Variants in RAB9B observed in about 807,000 individuals in gnomAD.
RAB9B encodes the protein RAB9B, member RAS oncogene family.
In RAB9B, 1 loss-of-function variant was observed where a neutral mutation model predicts 8.9. That is an observed-to-expected ratio of 0.11 (90% confidence interval 0.04 to 0.53). The LOEUF is 0.53. Among genes scored for constraint, RAB9B ranks in the 20% least tolerant of loss-of-function variants. The pLI, the probability that RAB9B is intolerant of heterozygous loss-of-function variation, is 0.93. For missense variants in RAB9B, 82 were observed against 152.9 expected (o/e 0.54, Z 2.45); for synonymous variants, 63 against 57.0 (o/e 1.10, Z -0.47).
At chrX:103,816,702 C>T in the RAB9B span, among the ~76,000 whole-genome samples, 1 of 112,081 alleles carries the variant, frequency 8.9e-6, no homozygotes, top group East Asian at 2.8e-4. Flanking sequence ...GGCTAATATC[C>T]AGAATCTATA....
the RAB9B span, among the ~76,000 whole-genome samples, chrX:103,803,559 T>C: frequency 1.8e-5 from 2 of 112,760 alleles, no homozygotes; most frequent in African/African-American, 6.4e-5. Flanking sequence ...TATTGTGTTA[T>C]GAGTACTTTA....
At chrX:103,822,126 C>T (rs1344231431), downstream of RAB9B, among the ~76,000 whole-genome samples, 1 of 111,340 alleles carries the variant, frequency 9.0e-6, no homozygotes, top group Non-Finnish European at 1.9e-5. Flanking sequence ...GACCTCCCTG[C>T]CCCAATCTTT....
At chrX:103,790,664 C>A in the RAB9B span, 1 of 824,789 alleles carries the variant, frequency 1.2e-6, no homozygotes, top group Non-Finnish European at 1.8e-6. Context: ...AATGCTGCGT[C>A]TCCCATCTTA....
At chrX:103,816,177 A>G in the RAB9B span, among the ~76,000 whole-genome samples, 104 of 111,465 alleles carry the variant, frequency 9.3e-4, no homozygotes, top group African/African-American at 3.3e-3. Flanking sequence ...CTGACTTCAA[A>G]CTTTACTACA....
chrX:103,810,817 A>AGG, the RAB9B span, among the ~76,000 whole-genome samples: 1 of 111,433 alleles, frequency 9.0e-6, no homozygotes, highest in African/African-American at 3.3e-5. Flanking sequence ...GCCACTTCCC[A>AGG]TTTACTCTCT....
chrX:103,788,531 AT>A, the RAB9B span: 1 of 1,112,230 alleles, frequency 9.0e-7, no homozygotes, highest in South Asian at 1.8e-5. Context: ...TATTTGGGTT[AT>A]TTTACAAGGG....
chrX:103,798,774 C>G, the RAB9B span, among the ~76,000 whole-genome samples: 6 of 108,218 alleles, frequency 5.5e-5, no homozygotes, highest in African/African-American at 2.0e-4. Flanking sequence ...TCCTGAGTAG[C>G]TAGGATTACA....
At chrX:103,782,805 C>CG in the RAB9B span, among the ~76,000 whole-genome samples, 1 of 85 alleles carries the variant, frequency 0.012, no homozygotes, top group African/African-American at 0.045. Context: ...CCCCACCCCC[C>CG]GGCTGCAGGC....
the RAB9B span, among the ~76,000 whole-genome samples, chrX:103,811,484 A>G: frequency 8.9e-6 from 1 of 112,149 alleles, no homozygotes. Context: ...GGTTCCCGTT[A>G]TAAACATTAA....
downstream of RAB9B, among the ~76,000 whole-genome samples, chrX:103,820,882 C>G (rs192902355): frequency 3.7e-5 from 4 of 107,522 alleles, no homozygotes; most frequent in Non-Finnish European, 7.7e-5. Flanking sequence ...TCCGGGAGGC[C>G]GAGGTTGCAG....
At chrX:103,791,889 C>T in the RAB9B span, 5 of 112,181 alleles carry the variant, frequency 4.5e-5, no homozygotes, top group East Asian at 2.8e-4. Flanking sequence ...GTAATCTGAT[C>T]GTTCTTTCTA....
chrX:103,785,138 C>A, the RAB9B span, among the ~76,000 whole-genome samples: 1 of 110,584 alleles, frequency 9.0e-6, no homozygotes, highest in Admixed American at 9.5e-5. Context: ...TACAATGGCG[C>A]AATCTTGGCT....
rs1175342692 is a variant in RAB9B at position 103,823,690 on chromosome X, T to C, written c.*1489A>G. On this transcript the variant is annotated 3_prime_UTR_variant, in exon 3 of 3. Transcript: ENST00000243298. ...TAATATAGTATATAACTGACAGTCA[T>C]GGTAATCAAAAATTGTCAAACCATT... The C allele has an allele frequency of 8.9e-6, 1 of 112,410 alleles. No individual in the cohort carries two copies. The highest frequency in any genetic ancestry group is 1.9e-5 in the Non-Finnish European group (1 of 53,294). The allele number at this position is 112,410 out of a possible 1,213,427, so 9.3% of individuals were successfully genotyped here.
the RAB9B span, among the ~76,000 whole-genome samples, chrX:103,793,282 C>A: frequency 9.0e-6 from 1 of 111,720 alleles, no homozygotes; most frequent in African/African-American, 3.3e-5. Context: ...AATTTGGCAC[C>A]CTTGGACAGC....
chrX:103,781,273 G>T, the RAB9B span: 1 of 322,448 alleles, frequency 3.1e-6, no homozygotes, highest in African/African-American at 2.7e-5. Context: ...GACAGCATCA[G>T]GATCAACACA....
At position 103,825,605 on chromosome X, in the gene RAB9B, G is replaced by T; in HGVS notation, c.180C>A (p.Ile60=). The T allele has an allele frequency of 8.3e-7, 1 of 1,210,790 alleles. No homozygotes were observed. Among genetic ancestry groups the T allele is most frequent in the East Asian group, 3.0e-5 (1 of 33,832 alleles). ...AACGTTCCTGCCCTGCAGTGTCCCA[G>T]ATCTGGAGGGTTACAAAGCGTCCAT... The part of the protein sequence containing the change: ...EVDGRFVTLQ[I]WDTAGQERFK... Residue 60 remains isoleucine, a synonymous_variant, in exon 3 of 3, where the codon ATC becomes ATA. Transcript: ENST00000243298.
the RAB9B span, among the ~76,000 whole-genome samples, chrX:103,813,992 A>G: frequency 1.4e-4 from 16 of 110,464 alleles, no homozygotes; most frequent in African/African-American, 5.3e-4. Context: ...ATAATGGGAG[A>G]CTTTAACACC....
chrX:103,790,261 G>C, the RAB9B span, among the ~76,000 whole-genome samples: 2 of 112,414 alleles, frequency 1.8e-5, no homozygotes, highest in Admixed American at 1.9e-4. Context: ...CTCAGTGCTA[G>C]ATCAAACAGA....
chrX:103,809,555 C>T, the RAB9B span, among the ~76,000 whole-genome samples: 1 of 112,428 alleles, frequency 8.9e-6, no homozygotes, highest in Non-Finnish European at 1.9e-5. Flanking sequence ...CTGCCTTGGC[C>T]TCCCAAAGTG....
Sources: allele counts gnomAD v4.1 joint callset (sites outside exome capture counted in the v4.1 genomes callset), GRCh38; gene constraint gnomAD v4.1.1; transcripts MANE v1.5; gene names NCBI Gene and HGNC (gene_info 2026-07-23, HGNC 2026-07-21).